Variants in EYS observed in about 807,000 individuals in gnomAD.
EYS encodes the protein protein eyes shut homolog.
In EYS, 250 loss-of-function variants were observed where a neutral mutation model predicts 282.1. That is an observed-to-expected ratio of 0.89 (90% CI 0.80 to 0.98). The LOEUF (loss-of-function observed/expected upper bound fraction) is 0.98. Among genes scored for constraint, EYS ranks in the 50% least tolerant of loss-of-function variants. The pLI, the probability that EYS is intolerant of heterozygous loss-of-function variation, is 0.00. For synonymous variants in EYS, 1,355 were observed against 1,282.9 expected (o/e 1.06, Z -1.20); for missense variants, 4,016 against 3,709.0 (o/e 1.08, Z -2.15).
intron 2 of EYS, among the ~76,000 whole-genome samples, chr6:65,556,543 G>C (rs1768811212): frequency 6.6e-6 from 1 of 152,058 alleles, no homozygotes; most frequent in African/African-American, 2.4e-5. Context: ...GACAGAGAAA[G>C]AATCTTGAGG....
At chr6:64,704,497 A>ACTTATAATTATATTATAATTATAAT (rs1193580229) in intron 22 of EYS, among the ~76,000 whole-genome samples, 21 of 11,396 alleles carry the variant, frequency 1.8e-3, no homozygotes, top group African/African-American at 3.4e-3. Flanking sequence ...ATTATAATAT[A>ACTTATAATTATATTATAATTATAAT]ATACTTATAA....
chr6:64,647,810 C>T lies in EYS; in HGVS notation c.3444-21565G>A, dbSNP rs967135108. Among the ~76,000 whole-genome samples, 7 of 152,146 alleles carry T rather than the reference C, an allele frequency of 4.6e-5. No homozygotes were observed. The South Asian group carries it at 6.2e-4, about 14-fold the overall frequency. On this transcript the variant is annotated intron_variant, in intron 22 of 42. Transcript: ENST00000503581. ...TTCTTTATTGGCAAAATTGTTCAAC[C>T]GACTCCTTATAGGTAGGAACCTTTT...
intron 15 of EYS, among the ~76,000 whole-genome samples, chr6:64,923,236 A>G (rs1330186932): frequency 6.6e-6 from 1 of 152,150 alleles, no homozygotes; most frequent in East Asian, 1.9e-4. Flanking sequence ...TATGTCTTAC[A>G]TGGTGGTGGC....
intron 12 of EYS, among the ~76,000 whole-genome samples, chr6:65,271,720 T>A (rs1767911636): frequency 6.6e-6 from 1 of 151,994 alleles, no homozygotes; most frequent in Admixed American, 6.6e-5. Flanking sequence ...ATAGCTGGGA[T>A]TACAGGAGTG....
At chr6:65,560,906 C>A (rs1769028682) in intron 2 of EYS, among the ~76,000 whole-genome samples, 1 of 151,936 alleles carries the variant, frequency 6.6e-6, no homozygotes, top group Non-Finnish European at 1.5e-5. Context: ...ATTTGACAAC[C>A]AATGGTCTAG....
intron 41 of EYS, among the ~76,000 whole-genome samples, chr6:63,749,428 G>T (rs930617541): frequency 6.6e-6 from 1 of 152,172 alleles, no homozygotes; most frequent in South Asian, 2.1e-4. Flanking sequence ...TAGAGTGTGT[G>T]CCATGTGACA....
intron 31 of EYS, among the ~76,000 whole-genome samples, chr6:64,125,884 C>G (rs944023360): frequency 6.6e-6 from 1 of 150,518 alleles, no homozygotes; most frequent in Non-Finnish European, 1.5e-5. Flanking sequence ...TGTATCAGCC[C>G]ATTGGTGTAT....
intron 25 of EYS, among the ~76,000 whole-genome samples, chr6:64,592,384 C>G (rs1288394318): frequency 1.3e-5 from 2 of 152,052 alleles, no homozygotes; most frequent in Admixed American, 6.6e-5. Context: ...CCTCAATAGG[C>G]AAAATGTTCT....
At chr6:63,968,614 T>C (rs190099645) in intron 35 of EYS, among the ~76,000 whole-genome samples, 1 of 152,298 alleles carries the variant, frequency 6.6e-6, no homozygotes, top group East Asian at 1.9e-4. Context: ...CTATGCGATC[T>C]GCAGTTCTCT....
At chr6:64,713,075 G>A (rs943322767) in intron 22 of EYS, among the ~76,000 whole-genome samples, 5 of 152,098 alleles carry the variant, frequency 3.3e-5, no homozygotes, top group Non-Finnish European at 5.9e-5. Context: ...AAACAGCCAA[G>A]GAAAATGCAT....
At chr6:64,679,299 G>A (rs761738463) in intron 22 of EYS, among the ~76,000 whole-genome samples, 3 of 152,018 alleles carry the variant, frequency 2.0e-5, no homozygotes, top group Non-Finnish European at 2.9e-5. Context: ...AGGCTGCATA[G>A]CTTTTCTCGG....
intron 39 of EYS, among the ~76,000 whole-genome samples, chr6:63,782,488 T>C (rs951054740): frequency 2.0e-5 from 3 of 152,230 alleles, no homozygotes; most frequent in Non-Finnish European, 2.9e-5. Context: ...GGAGGATATA[T>C]GTGTCCAGGA....
At chr6:64,140,071 G>A (rs1209957210) in intron 31 of EYS, among the ~76,000 whole-genome samples, 1 of 152,076 alleles carries the variant, frequency 6.6e-6, no homozygotes, top group Non-Finnish European at 1.5e-5. Context: ...GAAACACTGA[G>A]TGTAAATGGT....
intron 12 of EYS, among the ~76,000 whole-genome samples, chr6:65,224,051 A>G (rs151091264): frequency 3.7e-4 from 57 of 152,324 alleles, no homozygotes; most frequent in African/African-American, 1.3e-3. Flanking sequence ...TGACTTGAGT[A>G]ACACTACAAA....
intron 1 of EYS, among the ~76,000 whole-genome samples, chr6:65,671,056 T>C (rs1012383862): frequency 1.3e-5 from 2 of 152,130 alleles, no homozygotes; most frequent in Non-Finnish European, 2.9e-5. Flanking sequence ...ATTGTAGTAA[T>C]TGAATACTTA....
chr6:64,623,587 C>T (rs756611959), intron 23 of EYS, among the ~76,000 whole-genome samples: 45 of 151,710 alleles, frequency 3.0e-4, no homozygotes, highest in South Asian at 4.2e-4. Context: ...ATTTGATCTT[C>T]GAAATATAAA....
At chr6:64,859,955 C>T (rs1384897475) in intron 19 of EYS, among the ~76,000 whole-genome samples, 4 of 152,130 alleles carry the variant, frequency 2.6e-5, no homozygotes, top group Non-Finnish European at 4.4e-5. Flanking sequence ...TTCTATCATT[C>T]ACTTTTGAAA....
At chr6:64,563,198 T>C (rs972971136) in intron 26 of EYS, among the ~76,000 whole-genome samples, 3 of 152,044 alleles carry the variant, frequency 2.0e-5, no homozygotes, top group African/African-American at 7.2e-5. Flanking sequence ...TTCTCACATT[T>C]TCTGGGTTAT....
chr6:65,207,398 GAC>G, intron 12 of EYS, among the ~76,000 whole-genome samples: 1 of 151,240 alleles, frequency 6.6e-6, no homozygotes, highest in East Asian at 1.9e-4. Context: ...CAAATTAAAA[GAC>G]ATCTCATGTT....
Sources: allele counts gnomAD v4.1 joint callset (sites outside exome capture counted in the v4.1 genomes callset), GRCh38; gene constraint gnomAD v4.1.1; transcripts MANE v1.5; gene names NCBI Gene and HGNC (gene_info 2026-07-23, HGNC 2026-07-21).